The following GNL2 variants were observed in gnomAD, a reference collection of about 807,000 sequenced individuals.
GNL2 encodes the protein G protein nucleolar 2, also known as nucleolar GTP-binding protein 2.
A neutral mutation model predicts 92.3 loss-of-function variants in GNL2; 51 were observed. The observed-to-expected ratio is 0.55, with a 90% confidence interval of 0.44 to 0.70. GNL2 has a LOEUF of 0.70. GNL2 is among the 30% of genes least tolerant of loss of function. The probability of loss-of-function intolerance (pLI) is 0.00; values close to 1 mark genes in which losing one functional copy is unlikely to be tolerated. For missense variants in GNL2, 844 were observed against 895.6 expected, an observed-to-expected ratio of 0.94 and a Z score of 0.74; for synonymous variants, 283 against 300.6, an observed-to-expected ratio of 0.94 and a Z score of 0.61.
chr1:37,595,846 A>C lies in GNL2; in HGVS notation c.-24T>G, dbSNP rs1049328342. 58 of 1,609,446 alleles carry C rather than the reference A, an allele frequency of 3.6e-5. No individual in the cohort carries two copies. The highest frequency in any genetic ancestry group is 4.7e-5 in the Non-Finnish European group (55 of 1,175,728). The stretch of plus-strand genomic sequence containing the variant: ...ATCTTGGCGACGAGACCGGGACCGG[A>C]GTGCGAGGTCCGGCTTACGTGGTGA... On this transcript the variant is annotated 5_prime_UTR_variant, in exon 1 of 16. Coordinates refer to ENST00000373062, the MANE Select transcript of GNL2 (RefSeq NM_013285.3).
chr1:37,573,128 A>G (rs576102244), intron 12 of GNL2, among the ~76,000 whole-genome samples: 1 of 152,352 alleles, frequency 6.6e-6, no homozygotes, highest in Admixed American at 6.5e-5. Context: ...GAAAGATGCA[A>G]TACACATGAA....
intron 2 of GNL2, among the ~76,000 whole-genome samples, chr1:37,593,008 C>T (rs1206385235): frequency 6.6e-6 from 1 of 151,960 alleles, no homozygotes; most frequent in African/African-American, 2.4e-5. Context: ...CAACAGAGCA[C>T]GTAATGATTT....
intron 5 of GNL2, among the ~76,000 whole-genome samples, chr1:37,586,172 T>C (rs930393059): frequency 6.6e-6 from 1 of 152,210 alleles, no homozygotes; most frequent in African/African-American, 2.4e-5. Context: ...TGTACTGACA[T>C]AGAAATATAT....
At chr1:37,568,533 T>G in intron 13 of GNL2, 176 bp from the exon 14 acceptor site, 1 of 607,496 alleles carries the variant, frequency 1.6e-6, no homozygotes, top group Non-Finnish European at 2.9e-6. Flanking sequence ...TTTCTAAAGC[T>G]TCTCATACTG....
rs755382724 is a variant in GNL2, at chr1:37,576,486, A to G, written c.980T>C (p.Ile327Thr). The change falls in exon 9 of 16, where the codon ATA (isoleucine) becomes ACA (threonine). Residue 327 changes from isoleucine (I) to threonine (T), a missense_variant. Transcript: ENST00000373062. ...AACTTTCTTAGAACGCAATGTATTT[A>G]TCACAGAGCTCTTGCCAACATTTGG... ...GYPNVGKSSV[I>T]NTLRSKKVCN... 9 of 1,613,984 alleles carry G rather than the reference A, an allele frequency of 5.6e-6. No homozygotes were observed. The highest frequency in any genetic ancestry group is 5.0e-5 in the Admixed American group (3 of 60,010).
In GNL2 at chr1:37,595,862, T is replaced by A. The variant is rs1643920448; in HGVS notation, c.-40A>T. 2 of 1,579,854 alleles carry A rather than the reference T, an allele frequency of 1.3e-6. No homozygotes were observed. The highest frequency in any genetic ancestry group is 2.7e-5 in the African/African-American group (2 of 74,234). ...CGGGACCGGAGTGCGAGGTCCGGCTTACGTGGTGAAACAAACTTTTATGTT... is the reference window on the plus strand; with the variant it reads ...CGGGACCGGAGTGCGAGGTCCGGCTAACGTGGTGAAACAAACTTTTATGTT... On this transcript the variant is annotated 5_prime_UTR_variant, in exon 1 of 16. Transcript: ENST00000373062.
At chr1:37,583,985 AGGATGCTTTAG>A in intron 5 of GNL2, 52 bp from the exon 6 acceptor site, 1 of 1,007,146 alleles carries the variant, frequency 9.9e-7, no homozygotes, top group Admixed American at 1.7e-5. Flanking sequence ...CAAGACTAAA[AGGATGCTTTAG>A]GGTAAAGTCA....
intron 8 of GNL2, among the ~76,000 whole-genome samples, chr1:37,578,545 A>G (rs1643713975): frequency 6.6e-6 from 1 of 151,754 alleles, no homozygotes; most frequent in African/African-American, 2.4e-5. Context: ...AGAACCTATC[A>G]GCTTTTTAAT....
chr1:37,593,516 G>C, intron 2 of GNL2: 3 of 450,294 alleles, frequency 6.7e-6, no homozygotes, highest in Non-Finnish European at 1.2e-5. Flanking sequence ...TGGAGGTCAG[G>C]GCTGTGAGAA....
At chr1:37,578,564 C>CTTTTTT (rs918667500) in intron 8 of GNL2, among the ~76,000 whole-genome samples, 1 of 146,948 alleles carries the variant, frequency 6.8e-6, no homozygotes, top group Non-Finnish European at 1.5e-5. Context: ...ATGCCTTACT[C>CTTTTTT]TTTTTTTTTT....
chr1:37,569,143 G>C lies in GNL2; in HGVS notation c.1576C>G (p.Leu526Val). ...CDANTEMQQI[L>V]TRVRQNFGKI... ...CCAAAGTTCTGCCGAACTCGTGTGA[G>C]AATCTGCTGCATCTCTGTGTTAGCA... The change falls in exon 13 of 16, where the codon CTC (leucine) becomes GTC (valine). Residue 526 changes from leucine to valine, a missense_variant. By Grantham distance (32) the Leu-to-Val change is conservative (BLOSUM62 1). Transcript: ENST00000373062. 1 of 1,614,162 alleles carries C rather than the reference G, an allele frequency of 6.2e-7. No individual in the cohort carries two copies. The highest frequency in any genetic ancestry group is 8.5e-7 in the Non-Finnish European group (1 of 1,180,018).
Position 37,595,788 on chromosome 1 carries a change from A to T in GNL2, c.35T>A (p.Ile12Asn), listed in dbSNP as rs373521356. The T allele has an allele frequency of 2.5e-6, 4 of 1,614,104 alleles. No homozygotes were observed. Among genetic ancestry groups the T allele is most frequent in the Admixed American group, 1.7e-5 (1 of 60,022 alleles). The change falls in exon 1 of 16, where the codon ATC (isoleucine) becomes AAC (asparagine). Residue 12 changes from isoleucine (I) to asparagine (N), a missense_variant. By Grantham distance (149) the Ile-to-Asn change is moderately radical. Transcript: ENST00000373062. Reference sequence around the variant, plus strand: ...GTTTGTGCTGGCCTTGGACGGGTTGATGGTGCTCCGTCCTTTGTACTTGGG... The same window carrying T: ...GTTTGTGCTGGCCTTGGACGGGTTGTTGGTGCTCCGTCCTTTGTACTTGGG... The part of the protein sequence containing the change: ...VKPKYKGRST[I>N]NPSKASTNPD...
rs115648365 is a variant in GNL2, at chr1:37,566,850, A to G, written c.*5T>C. 2.2e-5 allele frequency: 35 copies of G among 1,611,724 alleles called. No homozygotes were observed. The highest frequency in any genetic ancestry group is 2.8e-5 in the Non-Finnish European group (33 of 1,178,890). On this transcript the variant is annotated 3_prime_UTR_variant, in exon 16 of 16. Transcript: ENST00000373062. Reference sequence around the variant, plus strand: ...TTGTATAATTTAATAAAAACCTTTTAAACATTACTGCTTTTGTCTGAATTT... The same window carrying G: ...TTGTATAATTTAATAAAAACCTTTTGAACATTACTGCTTTTGTCTGAATTT...
chr1:37,590,761 A>C lies in GNL2; in HGVS notation c.329T>G (p.Val110Gly), dbSNP rs978075150. 6.2e-7 allele frequency: 1 copy of C among 1,612,648 alleles called. No individual in the cohort carries two copies. Among genetic ancestry groups the C allele is most frequent in the Non-Finnish European group, 8.5e-7 (1 of 1,178,694 alleles). ...DTVMKDPYKVVMKQSKLPMSL... is the reference protein window; with the variant it reads ...DTVMKDPYKVGMKQSKLPMSL... ...CATTGGTAACTTGCTTTGCTTCATG[A>C]CAACTTTGTATGGATCCTTCATAAC... Residue 110 changes from valine to glycine, a missense_variant, in exon 4 of 16, where the codon GTC becomes GGC. Val to Gly is a moderately radical substitution (Grantham distance 109, BLOSUM62 -3). Coordinates refer to ENST00000373062, the MANE Select transcript of GNL2 (RefSeq NM_013285.3).
chr1:37,595,700 C>G, intron 1 of GNL2, 59 bp downstream of exon 1: 1 of 1,436,124 alleles, frequency 7.0e-7, no homozygotes, highest in South Asian at 1.1e-5. Flanking sequence ...CAGTGCTCCT[C>G]GGAGCCCTTC....
At chr1:37,589,092 G>C (rs1268449668) in intron 4 of GNL2, among the ~76,000 whole-genome samples, 1 of 152,198 alleles carries the variant, frequency 6.6e-6, no homozygotes, top group East Asian at 1.9e-4. Context: ...GCTTTAGGGA[G>C]AACAGACAAA....
At chr1:37,578,093 A>G (rs1643706412) in intron 8 of GNL2, among the ~76,000 whole-genome samples, 1 of 152,126 alleles carries the variant, frequency 6.6e-6, no homozygotes, top group South Asian at 2.1e-4. Context: ...TCACAAGCCC[A>G]AGAAAAAAGA....
Position 37,566,983 on chromosome 1 carries a change from G to A in GNL2, c.2068C>T (p.Arg690Trp), listed in dbSNP as rs200617651. The A allele has an allele frequency of 7.1e-5, 114 of 1,613,540 alleles. No individual in the cohort carries two copies. Among genetic ancestry groups the A allele is most frequent in the Admixed American group, 1.7e-4 (10 of 59,942 alleles). ...TAGCGCACACCAACTTTTTTCGGCCGTTGCTGTCGTACTGCTCGCCTCCGC... is the reference window on the plus strand; with the variant it reads ...TAGCGCACACCAACTTTTTTCGGCCATTGCTGTCGTACTGCTCGCCTCCGC... ...KERRRAVRQQ[R>W]PKKVGVRYYE... The change falls in exon 16 of 16, where the codon CGG becomes TGG. Residue 690 changes from arginine (R) to tryptophan (W), a missense_variant. By Grantham distance (101) the Arg-to-Trp change is moderately radical (BLOSUM62 -3). Transcript: ENST00000373062.
intron 4 of GNL2, among the ~76,000 whole-genome samples, chr1:37,589,587 G>A (rs1412316427): frequency 2.0e-5 from 3 of 152,200 alleles, no homozygotes; most frequent in Admixed American, 2.0e-4. Context: ...ATTCAGGCGT[G>A]AGCCACCGCG....
Sources: allele counts gnomAD v4.1 joint callset (sites outside exome capture counted in the v4.1 genomes callset), GRCh38; gene constraint gnomAD v4.1.1; transcripts MANE v1.5; gene names NCBI Gene and HGNC (gene_info 2026-07-23, HGNC 2026-07-21).